DMXL1: variants seen among roughly 807,000 people sequenced by gnomAD.
DMXL1 encodes Dmx like 1, also known as dmX-like protein 1.
A neutral mutation model predicts 319.2 loss-of-function variants in DMXL1; 99 were observed. The ratio of observed to expected loss-of-function variants is 0.31; its 90% CI spans 0.26 to 0.37. The LOEUF is 0.37. DMXL1 is among the 10% of genes least tolerant of loss of function. The probability of loss-of-function intolerance (pLI) is 1.00; values close to 1 mark genes in which losing one functional copy is unlikely to be tolerated. For synonymous variants in DMXL1, 1,385 were observed against 1,235.2 expected (o/e 1.12, Z -2.54); for missense variants, 3,745 against 3,595.6 (o/e 1.04, Z -1.06).
At chr5:119,107,536 T>C (rs968104767) in intron 4 of DMXL1, among the ~76,000 whole-genome samples, 2 of 152,206 alleles carry the variant, frequency 1.3e-5, no homozygotes, top group African/African-American at 2.4e-5. Context: ...TGCTTTAATA[T>C]CTGTAATTTA....
In DMXL1 at chr5:119,245,711, TTG is replaced by T. The variant is rs1173747359; in HGVS notation, c.8922+1139_8922+1140del. Among the ~76,000 whole-genome samples, 4 of 151,964 alleles carry T rather than the reference TTG, an allele frequency of 2.6e-5. No individual in the cohort carries two copies. The East Asian group carries it at 5.8e-4, about 22-fold the overall frequency. On this transcript the variant is annotated intron_variant, in intron 43 of 43. Coordinates refer to ENST00000539542, the MANE Select transcript of DMXL1 (RefSeq NM_001290321.3). Reference sequence around the variant, plus strand: ...TGCGCCACTACACCCTGCTAATTTTTTGTGTTTTAGTAGAGATGGGGTTTCGC... The same window carrying T: ...TGCGCCACTACACCCTGCTAATTTTTTGTTTTAGTAGAGATGGGGTTTCGC...
chr5:119,118,800 C>A lies in DMXL1; in HGVS notation c.744-15C>A, dbSNP rs1223762469. The A allele has an allele frequency of 3.2e-6, 5 of 1,564,708 alleles. No homozygotes were observed. Among genetic ancestry groups the A allele is most frequent in the Non-Finnish European group, 4.3e-6 (5 of 1,157,250 alleles). On this transcript the variant is annotated splice_polypyrimidine_tract_variant and intron_variant, in intron 7 of 43. Coordinates refer to ENST00000539542, the MANE Select transcript of DMXL1 (RefSeq NM_001290321.3). ...AAATTTGTATTTTTGCTTCTAAAATCTTTTCATTCCTTAGGGCTTCTGTAT... is the reference window on the plus strand; with the variant it reads ...AAATTTGTATTTTTGCTTCTAAAATATTTTCATTCCTTAGGGCTTCTGTAT...
intron 28 of DMXL1, among the ~76,000 whole-genome samples, chr5:119,181,477 T>C (rs550644645): frequency 6.6e-6 from 1 of 152,304 alleles, no homozygotes; most frequent in Non-Finnish European, 1.5e-5. Context: ...ATATATTCAC[T>C]GAATGATGAA....
At chr5:119,237,460 T>G (rs769345635) in intron 40 of DMXL1, 46 bp downstream of exon 40, 12 of 1,202,858 alleles carry the variant, frequency 1.0e-5, no homozygotes, top group Non-Finnish European at 7.3e-6. Flanking sequence ...AATTTTCATT[T>G]TAAATAAACC....
intron 1 of DMXL1, among the ~76,000 whole-genome samples, chr5:119,091,574 T>G (rs980793333): frequency 5.3e-5 from 8 of 152,172 alleles, no homozygotes; most frequent in African/African-American, 1.9e-4. Context: ...ATTCTAGTCT[T>G]TGGCTTGTTT....
rs866835308 is a variant in DMXL1, at chr5:119,161,599, T to G, written c.4703-2908T>G. On this transcript the variant is annotated intron_variant, in intron 19 of 43. Transcript: ENST00000539542. The stretch of plus-strand genomic sequence containing the variant: ...TGTCTTCTAAGGAAATACACAGTGA[T>G]CGGTGTCTCCCTGCCTGGGTAGGAC... 7.9e-5 allele frequency among the ~76,000 whole-genome samples: 12 copies of G among 152,286 alleles called. No individual in the cohort carries two copies. The South Asian group carries it at 1.0e-3, about 13-fold the overall frequency.
intron 36 of DMXL1, among the ~76,000 whole-genome samples, 157 bp downstream of exon 36, chr5:119,220,750 G>A (rs1290423638): frequency 2.0e-5 from 3 of 152,166 alleles, no homozygotes; most frequent in Non-Finnish European, 4.4e-5. Context: ...CTTTAAATAA[G>A]GGAACTGAGA....
chr5:119,073,019 A>G (rs1381972641), intron 1 of DMXL1, among the ~76,000 whole-genome samples: 1 of 152,166 alleles, frequency 6.6e-6, no homozygotes, highest in Admixed American at 6.5e-5. Flanking sequence ...GTCATTTCCT[A>G]AATTTATATG....
intron 4 of DMXL1, among the ~76,000 whole-genome samples, chr5:119,105,807 G>C (rs1312209214): frequency 6.6e-6 from 1 of 151,358 alleles, no homozygotes; most frequent in Non-Finnish European, 1.5e-5. Context: ...TGAGGCTAGA[G>C]AATCGTTTGA....
intron 13 of DMXL1, among the ~76,000 whole-genome samples, chr5:119,139,167 A>G (rs1255002230): frequency 1.3e-5 from 2 of 151,610 alleles, no homozygotes; most frequent in East Asian, 3.9e-4. Flanking sequence ...ACTACCACCT[A>G]ATATAAAAAC....
intron 13 of DMXL1, among the ~76,000 whole-genome samples, chr5:119,142,557 G>C (rs1767635601): frequency 6.6e-6 from 1 of 150,796 alleles, no homozygotes; most frequent in African/African-American, 2.4e-5. Flanking sequence ...TGAGGTTGCA[G>C]TGAAAAGGGA....
chr5:119,160,765 A>C (rs1039358316), intron 19 of DMXL1, among the ~76,000 whole-genome samples: 62 of 152,294 alleles, frequency 4.1e-4, no homozygotes, highest in African/African-American at 1.4e-3. Flanking sequence ...ATCATTATGT[A>C]ACATACTTCT....
chr5:119,239,153 G>A (rs1437251636), intron 41 of DMXL1, 73 bp downstream of exon 41: 35 of 1,492,034 alleles, frequency 2.3e-5, no homozygotes, highest in East Asian at 9.4e-5. Context: ...CTGTCCTTGT[G>A]TTTGACTAAA....
intron 28 of DMXL1, among the ~76,000 whole-genome samples, chr5:119,181,534 C>G (rs1403662188): frequency 6.6e-6 from 1 of 152,104 alleles, no homozygotes; most frequent in Non-Finnish European, 1.5e-5. Context: ...TGAAAAGGAG[C>G]AGGAGGGCTG....
At chr5:119,082,708 G>A (rs2149699038) in intron 1 of DMXL1, among the ~76,000 whole-genome samples, 1 of 152,320 alleles carries the variant, frequency 6.6e-6, no homozygotes, top group South Asian at 2.1e-4. Flanking sequence ...TTAAATATTT[G>A]TGTTTATGCT....
At chr5:119,202,754 G>A (rs532160780) in intron 32 of DMXL1, among the ~76,000 whole-genome samples, 2 of 151,198 alleles carry the variant, frequency 1.3e-5, no homozygotes, top group South Asian at 4.2e-4. Flanking sequence ...GGGAGGCTGA[G>A]GCAGGAGAAT....
intron 20 of DMXL1, 23 bp downstream of exon 20, chr5:119,164,699 T>C (rs1410072610): frequency 6.4e-7 from 1 of 1,555,914 alleles, no homozygotes; most frequent in Admixed American, 1.8e-5. Flanking sequence ...TTTTGGTGTA[T>C]AAGTGAATTA....
At chr5:119,123,087 G>A (rs954431421) in intron 9 of DMXL1, among the ~76,000 whole-genome samples, 1 of 152,156 alleles carries the variant, frequency 6.6e-6, no homozygotes, top group African/African-American at 2.4e-5. Flanking sequence ...GATCACTCGT[G>A]GTTAGGAGCT....
chr5:119,094,372 A>G (rs1755465114), intron 1 of DMXL1, among the ~76,000 whole-genome samples: 2 of 152,228 alleles, frequency 1.3e-5, no homozygotes, highest in South Asian at 2.1e-4. Context: ...CAAAGCCCGG[A>G]TGACAGCACC....
Sources: gnomAD v4.1 joint callset for allele counts (sites outside exome capture counted in the v4.1 genomes callset) on GRCh38, gnomAD v4.1.1 for gene constraint, MANE v1.5 for transcripts, NCBI Gene and HGNC (gene_info 2026-07-23, HGNC 2026-07-21) for gene names.